CENPO: variants seen among roughly 807,000 people sequenced by gnomAD.
CENPO encodes centromere protein O, also known as centromeric protein O.
A neutral mutation model predicts 36.1 loss-of-function variants in CENPO; 30 were observed. That is an observed-to-expected ratio of 0.83 (90% CI 0.62 to 1.13). The LOEUF (loss-of-function observed/expected upper bound fraction) is 1.13. Ranked by LOEUF, CENPO falls within the 50% of genes most tolerant of loss-of-function variation. The pLI is 0.00. For missense variants in CENPO, 349 were observed against 357.8 expected (o/e 0.98, Z 0.20); for synonymous variants, 171 against 142.3 (o/e 1.20, Z -1.44).
chr2:24,809,481 A>T (rs1666577901), intron 3 of CENPO, among the ~76,000 whole-genome samples: 1 of 151,914 alleles, frequency 6.6e-6, no homozygotes. Flanking sequence ...TTTTCCCTCT[A>T]ACCACAGGTT....
Position 24,819,844 on chromosome 2 carries a change from C to T in CENPO, c.*526C>T, listed in dbSNP as rs1667275720. ...TCTAAACCTAAAGTCCATGAGTGTG[C>T]ACTTCAATCCAGGAAGGTCGGGACT... On this transcript the variant is annotated 3_prime_UTR_variant, in exon 8 of 8. Coordinates refer to ENST00000380834, the MANE Select transcript of CENPO (RefSeq NM_001322101.2). 1.4e-6 allele frequency: 2 copies of T among 1,380,642 alleles called. No homozygotes were observed. The highest frequency in any genetic ancestry group is 1.3e-5 in the South Asian group (1 of 74,332). 85.5% of individuals were successfully genotyped at this position (1,380,642 alleles called of 1,614,324 possible).
intron 1 of CENPO, 77 bp downstream of exon 1, chr2:24,793,578 C>T (rs1247056562): frequency 2.0e-6 from 3 of 1,475,414 alleles, no homozygotes; most frequent in African/African-American, 2.8e-5. Flanking sequence ...GCTGAACGGC[C>T]TTCTTAAAAC....
intron 3 of CENPO, 80 bp from the exon 4 acceptor site, chr2:24,814,296 G>C (rs950654638): frequency 5.2e-6 from 4 of 774,290 alleles, no homozygotes; most frequent in Admixed American, 3.5e-5. Flanking sequence ...CTTGTATTTA[G>C]CTTTCATCCA....
At chr2:24,803,085 A>G (rs1166534078) in intron 3 of CENPO, among the ~76,000 whole-genome samples, 2 of 152,022 alleles carry the variant, frequency 1.3e-5, no homozygotes, top group African/African-American at 2.4e-5. Context: ...GAATTTATCC[A>G]TTTCTTCTAG....
At chr2:24,805,338 C>T (rs992327473) in intron 3 of CENPO, among the ~76,000 whole-genome samples, 2 of 152,230 alleles carry the variant, frequency 1.3e-5, no homozygotes, top group Non-Finnish European at 2.9e-5. Context: ...CAAAGTCATT[C>T]TCCGTCCAGC....
chr2:24,800,241 T>C (rs1242777858), intron 3 of CENPO, among the ~76,000 whole-genome samples: 1 of 152,200 alleles, frequency 6.6e-6, no homozygotes, highest in Non-Finnish European at 1.5e-5. Flanking sequence ...ATCGAGCCAC[T>C]GCACTCCAGC....
At chr2:24,793,795 G>T (rs1329772087) in intron 1 of CENPO, 57 bp from the exon 2 acceptor site, 4 of 1,319,790 alleles carry the variant, frequency 3.0e-6, no homozygotes, top group Non-Finnish European at 4.4e-6. Context: ...GTGCCCTGCC[G>T]TCTGGGTTTG....
chr2:24,802,373 G>A (rs202128368), intron 3 of CENPO, among the ~76,000 whole-genome samples: 19,782 of 151,912 alleles, frequency 0.13, 1,353 homozygotes, highest in East Asian at 0.21. Context: ...TGTTGAATAG[G>A]AGTGGTGAGA....
chr2:24,817,466 C>CAAAAAAAAAAAAAAAAAAAAAAAAAA lies in CENPO; in HGVS notation c.767-194_767-193insAAAAAAAAAAAAAAAAAAAAAAAAAA, dbSNP rs57556645. Among the ~76,000 whole-genome samples the CAAAAAAAAAAAAAAAAAAAAAAAAAA allele has an allele frequency of 3.5e-4, 39 of 110,050 alleles. 4 individuals carry two copies. The highest frequency in any genetic ancestry group is 1.3e-3 in the African/African-American group (31 of 23,126). 72.2% of individuals were successfully genotyped at this position (110,050 alleles called of 152,430 possible). A position where few individuals can be genotyped will look rare whatever the true frequency, so the allele number is the denominator to read the frequency against. ...AGTAAGGGGCAGCCTTAGTCCAGACCAAAAAAAAAAGCTGTATGGGTCCAG... is the reference window on the plus strand; with the variant it reads ...AGTAAGGGGCAGCCTTAGTCCAGACCAAAAAAAAAAAAAAAAAAAAAAAAAAAAAAAAAAAAGCTGTATGGGTCCAG... On this transcript the variant is annotated intron_variant, in intron 6 of 7. Transcript: ENST00000380834.
chr2:24,820,001 C>T lies in CENPO; in HGVS notation c.*683C>T, dbSNP rs1243411554. On this transcript the variant is annotated 3_prime_UTR_variant, in exon 8 of 8. Coordinates refer to ENST00000380834, the MANE Select transcript of CENPO (RefSeq NM_001322101.2). Reference sequence around the variant, plus strand: ...CATTGGGGAAGGTGGCTAGCTTATCCCGCCCCTTCAAGAAGAAGGTCAGCA... The same window carrying T: ...CATTGGGGAAGGTGGCTAGCTTATCTCGCCCCTTCAAGAAGAAGGTCAGCA... 6 of 1,612,986 alleles carry T rather than the reference C, an allele frequency of 3.7e-6. No homozygotes were observed. In the Admixed American group the frequency reaches 5.0e-5, roughly 13 times the overall value.
chr2:24,819,304 A>T (rs964064467), intron 7 of CENPO, 50 bp from the exon 8 acceptor site: 1 of 152,674 alleles, frequency 6.5e-6, no homozygotes, highest in Admixed American at 6.5e-5. Context: ...TATTTAACAG[A>T]AGATTAAAAA....
At chr2:24,800,243 C>T (rs1164997746) in intron 3 of CENPO, among the ~76,000 whole-genome samples, 1 of 152,224 alleles carries the variant, frequency 6.6e-6, no homozygotes, top group Non-Finnish European at 1.5e-5. Flanking sequence ...CGAGCCACTG[C>T]ACTCCAGCCT....
intron 3 of CENPO, among the ~76,000 whole-genome samples, chr2:24,809,869 T>A (rs1482091026): frequency 1.3e-5 from 2 of 152,150 alleles, no homozygotes; most frequent in Non-Finnish European, 2.9e-5. Context: ...GCCTAGTGTG[T>A]TCATCATGTT....
chr2:24,807,773 C>T (rs985740285), intron 3 of CENPO, among the ~76,000 whole-genome samples: 1 of 152,138 alleles, frequency 6.6e-6, no homozygotes, highest in African/African-American at 2.4e-5. Flanking sequence ...ATTCCATTGT[C>T]CTGCATTTTT....
chr2:24,815,528 TTG>T lies in CENPO; in HGVS notation c.370_371del (p.Val124LeufsTer7). 6.2e-7 allele frequency: 1 copy of T among 1,614,054 alleles called. No homozygotes were observed. Among genetic ancestry groups the T allele is most frequent in the Non-Finnish European group, 8.5e-7 (1 of 1,179,902 alleles). Reference protein sequence around the residue: ...LSGKLTSRGVCVCISTAFEGN... With the variant: ...LSGKLTSRGVXVCISTAFEGN... ...GTGGTAAACTGACCAGCCGAGGAGT[TTG>T]TGTCTGCATCAGTACTGCTTTTGAG... On this transcript the variant is annotated frameshift_variant, in exon 5 of 8. Coordinates refer to ENST00000380834, the MANE Select transcript of CENPO (RefSeq NM_001322101.2). LOFTEE classifies it high-confidence loss of function.
At chr2:24,798,507 C>G (rs143583918) in intron 2 of CENPO, among the ~76,000 whole-genome samples, 2,598 of 152,076 alleles carry the variant, frequency 0.017, 92 homozygotes, top group East Asian at 0.088. Context: ...GTCACCTAGG[C>G]TGGAGTGCAG....
Position 24,793,469 on chromosome 2 carries a change from C to G in CENPO, c.-101C>G, listed in dbSNP as rs761768702. 3 of 1,603,734 alleles carry G rather than the reference C, an allele frequency of 1.9e-6. No homozygotes were observed. Among genetic ancestry groups the G allele is most frequent in the Non-Finnish European group, 2.6e-6 (3 of 1,174,898 alleles). On this transcript the variant is annotated 5_prime_UTR_variant, in exon 1 of 8. Coordinates refer to ENST00000380834, the MANE Select transcript of CENPO (RefSeq NM_001322101.2). ...GGACCGGTTGGTTTGGTTTTGAAGA[C>G]GTGGATGGCGGGAATTCTCGCTTCT...
At position 24,821,452 on chromosome 2, in the gene CENPO, T is replaced by C; in HGVS notation, c.*2134T>C. On this transcript the variant is annotated 3_prime_UTR_variant, in exon 8 of 8. Coordinates refer to ENST00000380834, the MANE Select transcript of CENPO (RefSeq NM_001322101.2). The stretch of plus-strand genomic sequence containing the variant: ...GTCCTGAGCCTCATGTCTCTCCTGG[T>C]GGTGGGCCAGGCCCCTGCATGGGAA... 6.3e-7 allele frequency: 1 copy of C among 1,590,746 alleles called. No homozygotes were observed. Among genetic ancestry groups the C allele is most frequent in the East Asian group, 2.2e-5 (1 of 44,550 alleles).
In CENPO at chr2:24,796,649, T is replaced by C. The variant is rs189293247; in HGVS notation, c.46+2684T>C. On this transcript the variant is annotated intron_variant, in intron 2 of 7. Coordinates refer to ENST00000380834, the MANE Select transcript of CENPO (RefSeq NM_001322101.2). ...GAAACATAGTGAGACCCCATCTCTT[T>C]ATTTAAAAAACAAAAACAAAAAAAC... 1.2e-4 allele frequency among the ~76,000 whole-genome samples: 19 copies of C among 152,240 alleles called. No individual in the cohort carries two copies. The South Asian group carries it at 2.1e-3, about 17-fold the overall frequency.
Sources: allele counts gnomAD v4.1 joint callset (sites outside exome capture counted in the v4.1 genomes callset), GRCh38; gene constraint gnomAD v4.1.1; transcripts MANE v1.5; gene names NCBI Gene and HGNC (gene_info 2026-07-23, HGNC 2026-07-21).